Variants in FOXP2 observed in about 807,000 individuals in gnomAD.
FOXP2 encodes the protein forkhead box P2, also known as forkhead box protein P2.
Under a neutral mutation model 115.8 loss-of-function variants are expected in FOXP2, and 12 were observed. That is an observed-to-expected ratio of 0.10 (90% CI 0.07 to 0.17). The LOEUF (loss-of-function observed/expected upper bound fraction) is 0.17, where lower values mean the gene tolerates loss of function less well. Ranked by LOEUF, FOXP2 falls within the 10% of genes least tolerant of loss-of-function variation. The pLI is 1.00. For missense variants in FOXP2, 629 were observed against 843.5 expected (o/e 0.75, Z 3.15); for synonymous variants, 328 against 297.7 (o/e 1.10, Z -1.05).
chr7:114,680,502 T>C (rs1808027645), intron 16 of FOXP2, among the ~76,000 whole-genome samples: 1 of 152,230 alleles, frequency 6.6e-6, no homozygotes. Context: ...TGTGACCTTC[T>C]ATGGCAAAGG....
rs530353490 is a variant in FOXP2, at chr7:114,521,755, A to G, written c.169-12862A>G. On this transcript the variant is annotated intron_variant, in intron 2 of 16. Transcript: ENST00000350908. ...TCATGGGTAAAAATATTTTAATTTA[A>G]CTTGATGAAAAGAAATATTATGCTA... Among the ~76,000 whole-genome samples the G allele has an allele frequency of 3.3e-4, 27 of 81,900 alleles. No homozygotes were observed. In the East Asian group the frequency reaches 7.6e-3, roughly 23 times the overall value. The allele number at this position is 81,900 out of a possible 152,430, so 53.7% of individuals were successfully genotyped here. A position where few individuals can be genotyped will look rare whatever the true frequency, so the allele number is the denominator to read the frequency against.
chr7:114,381,410 G>T (rs1004736898), intron 2 of FOXP2, among the ~76,000 whole-genome samples: 1 of 152,220 alleles, frequency 6.6e-6, no homozygotes, highest in Admixed American at 6.5e-5. Context: ...AAGGACAAGA[G>T]TGTCCAGGTA....
intron 3 of FOXP2, among the ~76,000 whole-genome samples, chr7:114,609,645 T>A (rs1233619849): frequency 1.3e-5 from 2 of 152,206 alleles, no homozygotes; most frequent in Non-Finnish European, 2.9e-5. Flanking sequence ...GAGCCTTCAA[T>A]TTTATGAAAT....
chr7:114,363,914 G>A (rs1791814999), intron 2 of FOXP2, among the ~76,000 whole-genome samples: 1 of 152,134 alleles, frequency 6.6e-6, no homozygotes, highest in Non-Finnish European at 1.5e-5. Context: ...AGAGATATTT[G>A]CTTGTAGGTC....
intron 2 of FOXP2, among the ~76,000 whole-genome samples, chr7:114,529,007 C>A (rs77975066): frequency 6.6e-6 from 1 of 151,608 alleles, no homozygotes; most frequent in South Asian, 2.1e-4. Flanking sequence ...TAAAGTTGGA[C>A]GGAATTCATT....
At chr7:114,469,172 C>T (rs763181058) in intron 2 of FOXP2, among the ~76,000 whole-genome samples, 1 of 151,920 alleles carries the variant, frequency 6.6e-6, no homozygotes, top group African/African-American at 2.4e-5. Context: ...CTTCCATTGC[C>T]AGTTTTATAA....
At chr7:114,402,470 G>A (rs943879012) in intron 2 of FOXP2, among the ~76,000 whole-genome samples, 1 of 152,082 alleles carries the variant, frequency 6.6e-6, no homozygotes, top group Admixed American at 6.6e-5. Flanking sequence ...ACTGAAGTTT[G>A]CAGTAGACTT....
At chr7:114,456,120 T>A (rs2129221918) in intron 2 of FOXP2, among the ~76,000 whole-genome samples, 1 of 152,334 alleles carries the variant, frequency 6.6e-6, no homozygotes, top group East Asian at 1.9e-4. Flanking sequence ...ACTAAATGTA[T>A]CTTTGTCATT....
At chr7:114,405,729 A>G (rs911239924) in intron 2 of FOXP2, among the ~76,000 whole-genome samples, 1 of 151,942 alleles carries the variant, frequency 6.6e-6, no homozygotes, top group African/African-American at 2.4e-5. Flanking sequence ...ACTGTTATCT[A>G]TGATGCAAAC....
intron 3 of FOXP2, among the ~76,000 whole-genome samples, chr7:114,539,568 AG>A (rs1799558247): frequency 6.6e-6 from 1 of 152,034 alleles, no homozygotes; most frequent in African/African-American, 2.4e-5. Flanking sequence ...ATAAAAAAAA[AG>A]AATTTAATTC....
intron 6 of FOXP2, 74 bp downstream of exon 6, chr7:114,631,779 T>G: frequency 6.6e-7 from 1 of 1,507,888 alleles, no homozygotes; most frequent in Non-Finnish European, 9.2e-7. Context: ...TTCTGCCTTA[T>G]ACCTTGAGAA....
At chr7:114,432,064 C>T (rs1201016701) in intron 2 of FOXP2, among the ~76,000 whole-genome samples, 1 of 151,924 alleles carries the variant, frequency 6.6e-6, no homozygotes, top group African/African-American at 2.4e-5. Context: ...CCTTCAAAAG[C>T]ACACTCTATA....
At position 114,281,095 on chromosome 7, in the gene FOXP2, ATTTTTT is replaced by A. The variant is rs71157578; in HGVS notation, c.-101-6905_-101-6900del. Among the ~76,000 whole-genome samples, 8 of 92,882 alleles carry A rather than the reference ATTTTTT, an allele frequency of 8.6e-5. 1 individual carries two copies. Among genetic ancestry groups the A allele is most frequent in the Middle Eastern group, 0.018 (2 of 110 alleles). The allele number at this position is 92,882 out of a possible 152,430, so 60.9% of individuals were successfully genotyped here. A position where few individuals can be genotyped will look rare whatever the true frequency, so the allele number is the denominator to read the frequency against. ...GAGAAAGGCTTTTTATGCAATTTGA[ATTTTTT>A]TTTTTTTTTTTTTTTTTTGAGACAG... On this transcript the variant is annotated intron_variant, in intron 1 of 17. Coordinates refer to the FOXP2 transcript ENST00000634411.
At chr7:114,293,867 G>A (rs566116780) in intron 2 of FOXP2, among the ~76,000 whole-genome samples, 1 of 152,168 alleles carries the variant, frequency 6.6e-6, no homozygotes, top group South Asian at 2.1e-4. Context: ...ATAGGAGCGT[G>A]AGAACAGACT....
At chr7:114,250,246 C>T (rs1363547464) in intron 1 of FOXP2, among the ~76,000 whole-genome samples, 1 of 152,082 alleles carries the variant, frequency 6.6e-6, no homozygotes, top group East Asian at 1.9e-4. Flanking sequence ...AATAGTGCCA[C>T]AGTAAACATA....
At chr7:114,282,034 A>T (rs1192665128) in intron 1 of FOXP2, among the ~76,000 whole-genome samples, 1 of 152,174 alleles carries the variant, frequency 6.6e-6, no homozygotes, top group Non-Finnish European at 1.5e-5. Flanking sequence ...AAGAGAGCAA[A>T]TTTAAGTTCT....
chr7:114,541,587 T>C (rs548103833), intron 3 of FOXP2, among the ~76,000 whole-genome samples: 2 of 152,122 alleles, frequency 1.3e-5, no homozygotes, highest in African/African-American at 4.8e-5. Flanking sequence ...AGTAATGTGA[T>C]CAATAATGAA....
intron 2 of FOXP2, among the ~76,000 whole-genome samples, chr7:114,315,727 T>C (rs926696860): frequency 4.6e-5 from 7 of 152,114 alleles, no homozygotes; most frequent in Non-Finnish European, 1.5e-5. Context: ...CACTGAACCA[T>C]TGCTCCTCAG....
In FOXP2 at chr7:114,090,221, A is replaced by G. The variant is rs1316832325; in HGVS notation, c.-247+2383A>G. On this transcript the variant is annotated intron_variant, in intron 1 of 19. Transcript: ENST00000635638. Reference sequence around the variant, plus strand: ...ATGAGATTGAGCACACAGGTCTCTAAGAAGTTTTCTCAACATGATTGTTAA... The same window carrying G: ...ATGAGATTGAGCACACAGGTCTCTAGGAAGTTTTCTCAACATGATTGTTAA... 7.9e-5 allele frequency among the ~76,000 whole-genome samples: 12 copies of G among 151,984 alleles called. No homozygotes were observed. In the East Asian group the frequency reaches 2.1e-3, roughly 27 times the overall value.
Sources: allele counts gnomAD v4.1 joint callset (sites outside exome capture counted in the v4.1 genomes callset), GRCh38; gene constraint gnomAD v4.1.1; transcripts MANE v1.5; gene names NCBI Gene and HGNC (gene_info 2026-07-23, HGNC 2026-07-21).